The following DNAJB6 variants were observed in gnomAD, a reference collection of about 807,000 sequenced individuals.
DNAJB6 encodes the protein DnaJ heat shock protein family (Hsp40) member B6.
In DNAJB6, 16 loss-of-function variants were observed where a neutral mutation model predicts 42.7. That is an observed-to-expected ratio of 0.37 (90% CI 0.25 to 0.57). The LOEUF is 0.57. Ranked by LOEUF, DNAJB6 falls within the 20% of genes least tolerant of loss-of-function variation. The pLI is 0.74. For synonymous variants in DNAJB6, 170 were observed against 163.5 expected (o/e 1.04, Z -0.30); for missense variants, 347 against 416.8 (o/e 0.83, Z 1.46).
At chr7:157,368,308 G>A (rs181261375) in intron 5 of DNAJB6, among the ~76,000 whole-genome samples, 4 of 152,286 alleles carry the variant, frequency 2.6e-5, no homozygotes, top group South Asian at 4.2e-4. Flanking sequence ...TCTTGGAAAC[G>A]TTGTTTCCCA....
At chr7:157,378,770 T>G (rs1361463343) in intron 5 of DNAJB6, 1 of 152,200 alleles carries the variant, frequency 6.6e-6, no homozygotes, top group African/African-American at 2.4e-5. Flanking sequence ...TTTTAAAAGC[T>G]TAATACATAC....
chr7:157,406,332 CTT>C (rs376569820), intron 8 of DNAJB6, among the ~76,000 whole-genome samples: 20 of 152,250 alleles, frequency 1.3e-4, no homozygotes, highest in African/African-American at 4.8e-4. Context: ...CCTCAAGTCA[CTT>C]TTCCTGGCAC....
intron 5 of DNAJB6, among the ~76,000 whole-genome samples, chr7:157,375,178 T>C (rs1800410297): frequency 6.6e-6 from 1 of 152,082 alleles, no homozygotes; most frequent in Non-Finnish European, 1.5e-5. Flanking sequence ...TATGATAGTG[T>C]AGGGGGACAG....
chr7:157,377,156 T>A (rs1356036397), intron 5 of DNAJB6, among the ~76,000 whole-genome samples: 1 of 152,194 alleles, frequency 6.6e-6, no homozygotes, highest in Non-Finnish European at 1.5e-5. Flanking sequence ...TGCTAGACTT[T>A]CAGTTAATCT....
chr7:157,363,293 A>G (rs763270397), intron 3 of DNAJB6, 23 bp downstream of exon 3: 31 of 1,544,672 alleles, frequency 2.0e-5, no homozygotes, highest in Non-Finnish European at 2.6e-5. Flanking sequence ...GAGCTGCTGA[A>G]GGACCCTGAG....
At chr7:157,386,050 G>A (rs1229766871) in intron 8 of DNAJB6, 1 of 987,176 alleles carries the variant, frequency 1.0e-6, no homozygotes, top group Non-Finnish European at 1.2e-6. Flanking sequence ...TTCTTCTACA[G>A]AAATAATTTC....
At chr7:157,374,925 C>A (rs1233547711) in intron 5 of DNAJB6, among the ~76,000 whole-genome samples, 1 of 152,178 alleles carries the variant, frequency 6.6e-6, no homozygotes, top group Admixed American at 6.5e-5. Flanking sequence ...AAGACGTTGC[C>A]TGAGTCCTTT....
At chr7:157,413,255 T>A (rs2116679981) in intron 9 of DNAJB6, 1 of 152,230 alleles carries the variant, frequency 6.6e-6, no homozygotes, top group Non-Finnish European at 1.5e-5. Context: ...CAAGAACACG[T>A]AACTGTTAAA....
At chr7:157,411,321 GA>G (rs1304027561) in intron 9 of DNAJB6, 1 of 146,328 alleles carries the variant, frequency 6.8e-6, no homozygotes, top group African/African-American at 2.5e-5. Flanking sequence ...GGGTGGGGGA[GA>G]CTCCCCACGG....
intron 1 of DNAJB6, among the ~76,000 whole-genome samples, chr7:157,354,453 T>G (rs1230409191): frequency 6.9e-6 from 1 of 145,956 alleles, no homozygotes; most frequent in Non-Finnish European, 1.5e-5. Flanking sequence ...AGCTATTCAT[T>G]TTTAGTTTTA....
intron 8 of DNAJB6, among the ~76,000 whole-genome samples, chr7:157,405,528 T>C (rs1023134852): frequency 1.3e-5 from 2 of 152,198 alleles, no homozygotes; most frequent in African/African-American, 4.8e-5. Context: ...CCTTGCTCTC[T>C]GTGGGGATCC....
chr7:157,338,142 A>C (rs922074324), intron 1 of DNAJB6, among the ~76,000 whole-genome samples: 1 of 152,214 alleles, frequency 6.6e-6, no homozygotes, highest in Non-Finnish European at 1.5e-5. Flanking sequence ...GAAAAGTTAG[A>C]GTGAAGACCG....
Position 157,384,579 on chromosome 7 carries a change from C to T in DNAJB6, c.479-288C>T, listed in dbSNP as rs3802086. Among the ~76,000 whole-genome samples the T allele has an allele frequency of 2.4e-3, 363 of 152,288 alleles. 9 individuals are homozygous for T. The East Asian group carries it at 0.054, about 23-fold the overall frequency. The stretch of plus-strand genomic sequence containing the variant: ...ACCCACAAGCAGGGGCTGTCTTTGG[C>T]ATGTCAGAAAAGCTGCTTGGGTCCC... On this transcript the variant is annotated intron_variant, in intron 6 of 9. Transcript: ENST00000262177.
intron 1 of DNAJB6, among the ~76,000 whole-genome samples, chr7:157,338,424 C>G (rs554604973): frequency 3.3e-5 from 5 of 152,200 alleles, no homozygotes; most frequent in African/African-American, 1.2e-4. Flanking sequence ...ACTTCCAGCT[C>G]CCAGGTTCAA....
chr7:157,404,146 T>C (rs1028709125), intron 8 of DNAJB6, among the ~76,000 whole-genome samples: 1 of 152,028 alleles, frequency 6.6e-6, no homozygotes, highest in Non-Finnish European at 1.5e-5. Flanking sequence ...TTTTCTTTTT[T>C]TTTGTAGAGA....
At chr7:157,383,571 T>C (rs1800894678) in intron 6 of DNAJB6, among the ~76,000 whole-genome samples, 1 of 151,730 alleles carries the variant, frequency 6.6e-6, no homozygotes, top group Non-Finnish European at 1.5e-5. Flanking sequence ...CCACGTAAAT[T>C]GTCCTTTTTA....
Position 157,359,458 on chromosome 7 carries a change from T to C in DNAJB6, c.65+821T>C, listed in dbSNP as rs147799162. 3.2e-4 allele frequency among the ~76,000 whole-genome samples: 48 copies of C among 152,274 alleles called. No homozygotes were observed. In the East Asian group the frequency reaches 6.6e-3, roughly 21 times the overall value. ...AAACTCCTGGGCTCAAGCGATTCTC[T>C]TGCCTTGGCCTCCCAGATTGCTGCG... On this transcript the variant is annotated intron_variant, in intron 2 of 9. Coordinates refer to ENST00000262177, the MANE Select transcript of DNAJB6 (RefSeq NM_058246.4).
At chr7:157,377,612 G>T (rs941310607) in intron 5 of DNAJB6, among the ~76,000 whole-genome samples, 1 of 152,200 alleles carries the variant, frequency 6.6e-6, no homozygotes. Context: ...GGGGTGGGAT[G>T]GTGTGGGGTG....
intron 8 of DNAJB6, among the ~76,000 whole-genome samples, chr7:157,391,636 C>G (rs1801346435): frequency 6.6e-6 from 1 of 152,100 alleles, no homozygotes; most frequent in Non-Finnish European, 1.5e-5. Flanking sequence ...TGCCTGGTGG[C>G]AGCACCCACT....
Sources: allele counts gnomAD v4.1 joint callset (sites outside exome capture counted in the v4.1 genomes callset), GRCh38; gene constraint gnomAD v4.1.1; transcripts MANE v1.5; gene names NCBI Gene and HGNC (gene_info 2026-07-23, HGNC 2026-07-21).